NMNAT2: variants seen among roughly 807,000 people sequenced by gnomAD.
The protein encoded by NMNAT2 is nicotinamide nucleotide adenylyltransferase 2.
Under a neutral mutation model 41.6 loss-of-function variants are expected in NMNAT2, and 11 were observed. The ratio of observed to expected loss-of-function variants is 0.26; its 90% CI spans 0.17 to 0.44. The LOEUF is 0.44. Ranked by LOEUF, NMNAT2 falls within the 20% of genes least tolerant of loss-of-function variation. The pLI, the probability that NMNAT2 is intolerant of heterozygous loss-of-function variation, is 1.00. For synonymous variants in NMNAT2, 148 were observed against 151.2 expected (o/e 0.98, Z 0.16); for missense variants, 288 against 407.7 (o/e 0.71, Z 2.53).
At chr1:183,282,305 A>AT (rs1661291784) in intron 7 of NMNAT2, among the ~76,000 whole-genome samples, 1 of 152,224 alleles carries the variant, frequency 6.6e-6, no homozygotes, top group Non-Finnish European at 1.5e-5. Flanking sequence ...CTGGCTCACC[A>AT]TAACTCCAGA....
intron 1 of NMNAT2, among the ~76,000 whole-genome samples, chr1:183,342,966 G>A (rs1662851728): frequency 6.6e-6 from 1 of 151,718 alleles, no homozygotes. Context: ...TACCCAGGCT[G>A]GCCTCAAACA....
At chr1:183,313,529 G>A (rs1662174968) in intron 1 of NMNAT2, among the ~76,000 whole-genome samples, 3 of 150,768 alleles carry the variant, frequency 2.0e-5, no homozygotes, top group Non-Finnish European at 4.5e-5. Flanking sequence ...GCCCAGGCTG[G>A]AGTGCAGTGG....
At position 183,334,569 on chromosome 1, in the gene NMNAT2, C is replaced by T. The variant is rs374770968; in HGVS notation, c.86-40776G>A. Among the ~76,000 whole-genome samples, 15 of 150,370 alleles carry T rather than the reference C, an allele frequency of 1.0e-4. 1 individual carries two copies. The South Asian group carries it at 3.2e-3, about 32-fold the overall frequency. ...TTGCTCTGTCTCCCAGGCTGGAGTA[C>T]AGTGGCATCATCTCAGTGCAACCTC... On this transcript the variant is annotated intron_variant, in intron 1 of 10. Coordinates refer to ENST00000287713, the MANE Select transcript of NMNAT2 (RefSeq NM_015039.4).
At chr1:183,322,681 C>G (rs1338920924) in intron 1 of NMNAT2, among the ~76,000 whole-genome samples, 2 of 152,176 alleles carry the variant, frequency 1.3e-5, no homozygotes, top group African/African-American at 4.8e-5. Context: ...CGATCTGGAG[C>G]CTAACCTCTT....
intron 1 of NMNAT2, among the ~76,000 whole-genome samples, chr1:183,313,182 A>C (rs1015033138): frequency 1.3e-5 from 2 of 152,262 alleles, no homozygotes; most frequent in African/African-American, 4.8e-5. Flanking sequence ...TAGGATACCA[A>C]AGAACAAAGA....
intron 1 of NMNAT2, among the ~76,000 whole-genome samples, chr1:183,332,483 C>A (rs549102690): frequency 1.3e-5 from 2 of 152,234 alleles, no homozygotes; most frequent in Non-Finnish European, 2.9e-5. Flanking sequence ...AGTACTCAGT[C>A]ACATAGACTG....
intron 1 of NMNAT2, among the ~76,000 whole-genome samples, chr1:183,319,473 C>G (rs1278994534): frequency 6.6e-6 from 1 of 152,236 alleles, no homozygotes; most frequent in African/African-American, 2.4e-5. Context: ...AGCCAGCTCT[C>G]TCAGAGGCAG....
At chr1:183,291,279 C>T (rs1661533367) in intron 3 of NMNAT2, among the ~76,000 whole-genome samples, 1 of 152,122 alleles carries the variant, frequency 6.6e-6, no homozygotes, top group African/African-American at 2.4e-5. Flanking sequence ...CCCACCACCC[C>T]ACCACATACA....
intron 1 of NMNAT2, among the ~76,000 whole-genome samples, chr1:183,402,057 C>A (rs12406861): frequency 0.15 from 23,168 of 151,860 alleles, 1,938 homozygotes; most frequent in South Asian, 0.25. Context: ...TACCCTAGAA[C>A]TTAAAGTATA....
chr1:183,282,278 T>G (rs1363954914), intron 7 of NMNAT2, among the ~76,000 whole-genome samples: 1 of 152,168 alleles, frequency 6.6e-6, no homozygotes, highest in Non-Finnish European at 1.5e-5. Context: ...CCCAGCAGCA[T>G]TTTTGGTCCC....
At chr1:183,389,028 G>A (rs779209255) in intron 1 of NMNAT2, among the ~76,000 whole-genome samples, 6 of 152,174 alleles carry the variant, frequency 3.9e-5, no homozygotes, top group Non-Finnish European at 8.8e-5. Flanking sequence ...GATTTCAGGA[G>A]GGAGTTAGGG....
intron 1 of NMNAT2, among the ~76,000 whole-genome samples, chr1:183,368,649 CT>C (rs1663464968): frequency 6.6e-6 from 1 of 152,176 alleles, no homozygotes; most frequent in Non-Finnish European, 1.5e-5. Context: ...ACTCTAAGCA[CT>C]TTGCTTCAGC....
chr1:183,307,630 A>G (rs995653257), intron 1 of NMNAT2, among the ~76,000 whole-genome samples: 1 of 152,120 alleles, frequency 6.6e-6, no homozygotes, highest in Admixed American at 6.5e-5. Flanking sequence ...TTTAATAGAG[A>G]CAGGGTTTCA....
intron 1 of NMNAT2, among the ~76,000 whole-genome samples, chr1:183,352,153 T>C (rs1028917696): frequency 3.9e-5 from 6 of 152,172 alleles, no homozygotes; most frequent in African/African-American, 1.4e-4. Context: ...CAGGGGTTTC[T>C]CTTCAAGATA....
chr1:183,384,175 T>C (rs2101917470), intron 1 of NMNAT2, among the ~76,000 whole-genome samples: 1 of 149,542 alleles, frequency 6.7e-6, no homozygotes, highest in Middle Eastern at 3.4e-3. Context: ...AGAAGGAAGA[T>C]AGTGAACAAG....
At chr1:183,264,753 A>G (rs914919392) in intron 8 of NMNAT2, among the ~76,000 whole-genome samples, 8 of 152,074 alleles carry the variant, frequency 5.3e-5, no homozygotes, top group Admixed American at 3.9e-4. Context: ...CCTCAGTCCA[A>G]CGAGTACCCA....
At chr1:183,311,076 G>A (rs1329383683) in intron 1 of NMNAT2, among the ~76,000 whole-genome samples, 3 of 152,226 alleles carry the variant, frequency 2.0e-5, no homozygotes, top group East Asian at 3.9e-4. Flanking sequence ...TGAGTGAGGT[G>A]CCCTGGTCTA....
intron 8 of NMNAT2, among the ~76,000 whole-genome samples, chr1:183,270,501 G>A (rs1558111508): frequency 6.6e-6 from 1 of 151,736 alleles, no homozygotes; most frequent in Non-Finnish European, 1.5e-5. Flanking sequence ...CCAGCAGGTG[G>A]AAATGCATTT....
At chr1:183,414,720 C>T (rs538294042) in intron 1 of NMNAT2, among the ~76,000 whole-genome samples, 67 of 152,288 alleles carry the variant, frequency 4.4e-4, no homozygotes, top group African/African-American at 1.6e-3. Flanking sequence ...ATAATATCAA[C>T]TTCCCTTTCA....
Sources: allele counts gnomAD v4.1 joint callset (sites outside exome capture counted in the v4.1 genomes callset), GRCh38; gene constraint gnomAD v4.1.1; transcripts MANE v1.5; gene names NCBI Gene and HGNC (gene_info 2026-07-23, HGNC 2026-07-21).